Variants in LRRC37A2 observed in about 807,000 individuals in gnomAD.
LRRC37A2 encodes leucine rich repeat containing 37 member A2, also known as leucine-rich repeat-containing protein 37A2.
LRRC37A2 carries 9 observed loss-of-function variants against 68.8 expected under a neutral mutation model. That is an observed-to-expected ratio of 0.13 (90% CI 0.08 to 0.23). The LOEUF is 0.23. Ranked by LOEUF, LRRC37A2 falls within the 10% of genes least tolerant of loss-of-function variation. The pLI is 1.00. For missense variants in LRRC37A2, 168 were observed against 950.4 expected (o/e 0.18, Z 10.82); for synonymous variants, 63 against 367.6 (o/e 0.17, Z 9.48).
downstream of LRRC37A2, chr17:46,556,293 AAC>A (rs1346472294): frequency 1.4e-5 from 1 of 72,458 alleles, no homozygotes; most frequent in Non-Finnish European, 2.3e-5. Context: ...AACCCAGGAA[AAC>A]AGTTTTCTTA....
At chr17:46,905,880 G>C in the LRRC37A2 span, among the ~76,000 whole-genome samples, 1 of 151,938 alleles carries the variant, frequency 6.6e-6, no homozygotes, top group African/African-American at 2.4e-5. Flanking sequence ...CTCCAGACCA[G>C]GGTCCTCAAA....
chr17:46,875,566 C>T, the LRRC37A2 span, among the ~76,000 whole-genome samples: 8 of 152,310 alleles, frequency 5.3e-5, no homozygotes, highest in African/African-American at 1.7e-4. Flanking sequence ...AGGAACACAG[C>T]GGAAGCATGG....
At chr17:46,942,462 A>G in the LRRC37A2 span, among the ~76,000 whole-genome samples, 2 of 152,192 alleles carry the variant, frequency 1.3e-5, no homozygotes, top group African/African-American at 2.4e-5. Flanking sequence ...CCCCTCATCC[A>G]GCTTGGAACC....
rs576302695 is a variant in LRRC37A2, at chr17:46,530,088, C to T, written c.2906+6204C>T. On this transcript the variant is annotated intron_variant, in intron 6 of 14. Transcript: ENST00000576629. Reference sequence around the variant, plus strand: ...TTAGAAAAAAATAGAAACAGGGTCTCACTTTGTTACCCAGGCTGGTCTCAA... The same window carrying T: ...TTAGAAAAAAATAGAAACAGGGTCTTACTTTGTTACCCAGGCTGGTCTCAA... Among the ~76,000 whole-genome samples the T allele has an allele frequency of 3.0e-4, 44 of 146,170 alleles. 1 individual carries two copies. The highest frequency in any genetic ancestry group is 1.1e-3 in the African/African-American group (44 of 39,986).
chr17:46,811,417 G>A, the LRRC37A2 span, among the ~76,000 whole-genome samples: 3 of 152,194 alleles, frequency 2.0e-5, no homozygotes, highest in African/African-American at 7.2e-5. Context: ...TTGACATGAG[G>A]GTATGGGGCC....
the LRRC37A2 span, among the ~76,000 whole-genome samples, chr17:46,792,822 T>C: frequency 1.6e-4 from 24 of 152,198 alleles, no homozygotes; most frequent in Non-Finnish European, 2.6e-4. Flanking sequence ...CCTGACTATG[T>C]GCCAGTTGCC....
At chr17:46,842,611 G>A in the LRRC37A2 span, among the ~76,000 whole-genome samples, 1 of 152,132 alleles carries the variant, frequency 6.6e-6, no homozygotes, top group Non-Finnish European at 1.5e-5. Flanking sequence ...GGGCTCAAGT[G>A]ATCCTCCCAT....
chr17:46,492,946 G>A, the LRRC37A2 span, among the ~76,000 whole-genome samples: 21 of 149,462 alleles, frequency 1.4e-4, no homozygotes, highest in Middle Eastern at 3.5e-3. Context: ...CGCCCGCCTC[G>A]GCCTCCCAAA....
At chr17:46,379,903 A>G in the LRRC37A2 span, among the ~76,000 whole-genome samples, 1 of 9,578 alleles carries the variant, frequency 1.0e-4, no homozygotes, top group Non-Finnish European at 1.8e-4. Context: ...TTTGAGACAG[A>G]GTCTTGTTCT....
the LRRC37A2 span, among the ~76,000 whole-genome samples, chr17:46,793,272 T>TAAAAAAAA: frequency 4.3e-4 from 18 of 41,970 alleles, 2 homozygotes; most frequent in Non-Finnish European, 7.1e-4. Flanking sequence ...AGACCCTGTC[T>TAAAAAAAA]AAAAAAAAAA....
the LRRC37A2 span, chr17:46,768,277 G>A: frequency 6.2e-7 from 1 of 1,611,826 alleles, no homozygotes; most frequent in South Asian, 1.1e-5. The surrounding 1 kb of genome is among the most constrained non-coding windows in gnomAD (Gnocchi z 5.0). Flanking sequence ...CTGCGCCCAG[G>A]CTCCCAGCCT....
At chr17:46,935,676 C>T in the LRRC37A2 span, 2 of 991,018 alleles carry the variant, frequency 2.0e-6, no homozygotes, top group Admixed American at 1.1e-4. Flanking sequence ...TTAGAAGCTT[C>T]TAGAGCTTCT....
the LRRC37A2 span, among the ~76,000 whole-genome samples, chr17:46,583,512 G>A: frequency 3.3e-3 from 251 of 76,278 alleles, 79 homozygotes; most frequent in African/African-American, 9.2e-3. Flanking sequence ...GGCCAGGCTC[G>A]TCTCGAACTC....
chr17:47,003,733 T>TC, the LRRC37A2 span, among the ~76,000 whole-genome samples: 1 of 151,872 alleles, frequency 6.6e-6, no homozygotes, highest in Non-Finnish European at 1.5e-5. Context: ...CTTTTTTTTT[T>TC]ATTATACTTT....
chr17:46,771,898 C>G, the LRRC37A2 span, among the ~76,000 whole-genome samples: 1 of 145,470 alleles, frequency 6.9e-6, no homozygotes. Context: ...GCCCCTGCCC[C>G]CGCCCCCGCC....
chr17:46,713,598 A>C, the LRRC37A2 span, among the ~76,000 whole-genome samples: 5 of 152,202 alleles, frequency 3.3e-5, no homozygotes, highest in Non-Finnish European at 5.9e-5. Flanking sequence ...TTTTGCCAAA[A>C]GTTTGAAAGA....
At chr17:46,451,127 G>A in the LRRC37A2 span, among the ~76,000 whole-genome samples, 1 of 83,182 alleles carries the variant, frequency 1.2e-5, no homozygotes, top group African/African-American at 3.3e-5. Context: ...ACTTGACATA[G>A]GATATTGAGA....
the LRRC37A2 span, chr17:46,886,547 A>T: frequency 6.6e-6 from 1 of 152,146 alleles, no homozygotes; most frequent in Non-Finnish European, 1.5e-5. Context: ...GCATCTGTCA[A>T]TGTAGGTGGC....
chr17:46,381,789 GA>G, the LRRC37A2 span, among the ~76,000 whole-genome samples: 5 of 102,498 alleles, frequency 4.9e-5, no homozygotes, highest in African/African-American at 1.7e-4. Context: ...TTTTTATAGT[GA>G]AAACTAAATA....
Sources: gnomAD v4.1 joint callset for allele counts (sites outside exome capture counted in the v4.1 genomes callset) on GRCh38, gnomAD v4.1.1 for gene constraint, Gnocchi (gnomAD v3.1) non-coding constraint, MANE v1.5 for transcripts, NCBI Gene and HGNC (gene_info 2026-07-23, HGNC 2026-07-21) for gene names.